Variants in DMD observed in about 807,000 individuals in gnomAD.
DMD encodes dystrophin.
DMD carries 63 observed loss-of-function variants against 330.1 expected under a neutral mutation model. The observed-to-expected ratio is 0.19, with a 90% CI of 0.16 to 0.24. The LOEUF is 0.24. Among genes scored for constraint, DMD ranks in the 10% least tolerant of loss-of-function variants. The pLI, the probability that DMD is intolerant of heterozygous loss-of-function variation, is 1.00. For synonymous variants in DMD, 1,223 were observed against 959.8 expected, an observed-to-expected ratio of 1.27 and a Z score of -5.07; for missense variants, 3,344 against 2,684.1, an observed-to-expected ratio of 1.25 and a Z score of -5.43.
At chrX:32,293,812 T>C (rs1254144507) in intron 42 of DMD, among the ~76,000 whole-genome samples, 1 of 111,990 alleles carries the variant, frequency 8.9e-6, no homozygotes, top group Non-Finnish European at 1.9e-5. Flanking sequence ...CCTGCACATG[T>C]ATTCCTGAAT....
rs773034545 is a variant in DMD at position 32,527,265 on chromosome X, ATAAT to A, written c.2169-9138_2169-9135del. The stretch of plus-strand genomic sequence containing the variant: ...TTTTAACATTAATAGGAACAAAACT[ATAAT>A]TATTCTTTGTTGGTATTAAAGAAGA... On this transcript the variant is annotated intron_variant, in intron 17 of 78. Transcript: ENST00000357033. 8.9e-5 allele frequency among the ~76,000 whole-genome samples: 10 copies of A among 112,440 alleles called. No individual in the cohort carries two copies. The East Asian group carries it at 2.8e-3, about 31-fold the overall frequency.
At chrX:32,592,900 C>A (rs1173760088) in intron 13 of DMD, among the ~76,000 whole-genome samples, 1 of 112,807 alleles carries the variant, frequency 8.9e-6, no homozygotes, top group African/African-American at 3.2e-5. Context: ...ACTTGTGGTA[C>A]ATCTGGTCCA....
intron 50 of DMD, among the ~76,000 whole-genome samples, chrX:31,805,529 A>C (rs1267931803): frequency 1.8e-5 from 2 of 112,139 alleles, no homozygotes; most frequent in East Asian, 5.5e-4. Flanking sequence ...TCTAAGACCT[A>C]GTTATCCCCT....
chrX:31,740,942 A>G (rs1312145705), intron 51 of DMD, among the ~76,000 whole-genome samples: 1 of 112,302 alleles, frequency 8.9e-6, no homozygotes, highest in Non-Finnish European at 1.9e-5. Context: ...CCTGATGCTA[A>G]TTTATCAACT....
At chrX:33,066,461 A>AAAAGGAAGGAAGG (rs754870790) in intron 1 of DMD, among the ~76,000 whole-genome samples, 9 of 84,203 alleles carry the variant, frequency 1.1e-4, no homozygotes, top group African/African-American at 4.8e-4. Context: ...AAAAAAAAAA[A>AAAAGGAAGGAAGG]AAGGAAGGAA....
intron 60 of DMD, among the ~76,000 whole-genome samples, chrX:31,353,919 C>T (rs988030402): frequency 2.5e-4 from 28 of 112,106 alleles, no homozygotes; most frequent in African/African-American, 8.7e-4. Context: ...TCTCTGTTTC[C>T]TTTTATAAAA....
At chrX:32,122,921 A>G (rs184447978) in intron 44 of DMD, among the ~76,000 whole-genome samples, 37 of 109,993 alleles carry the variant, frequency 3.4e-4, no homozygotes, top group Non-Finnish European at 4.7e-4. Flanking sequence ...AAATGTCCTG[A>G]CACTAAGTTT....
At chrX:32,808,798 A>G (rs1452545078) in intron 7 of DMD, among the ~76,000 whole-genome samples, 1 of 112,087 alleles carries the variant, frequency 8.9e-6, no homozygotes, top group Admixed American at 9.5e-5. Flanking sequence ...AGAGGCTACC[A>G]TTTCAAAATT....
At chrX:33,302,087 T>G (rs1486546360) in intron 1 of DMD, among the ~76,000 whole-genome samples, 1 of 112,049 alleles carries the variant, frequency 8.9e-6, no homozygotes, top group Non-Finnish European at 1.9e-5. Flanking sequence ...CTAAATATTC[T>G]TGAAAACATA....
intron 55 of DMD, among the ~76,000 whole-genome samples, chrX:31,529,491 T>C (rs1049715385): frequency 8.9e-6 from 1 of 112,171 alleles, no homozygotes; most frequent in Non-Finnish European, 1.9e-5. Context: ...GATGAACCTA[T>C]AGCAGTCAAT....
intron 55 of DMD, among the ~76,000 whole-genome samples, chrX:31,527,387 A>G (rs114248567): frequency 0.055 from 6,108 of 111,757 alleles, 393 homozygotes; most frequent in African/African-American, 0.18. Flanking sequence ...CTGATTATGA[A>G]TTAGGATATA....
intron 44 of DMD, among the ~76,000 whole-genome samples, chrX:32,069,415 A>C (rs1290175486): frequency 8.9e-6 from 1 of 111,975 alleles, no homozygotes; most frequent in Non-Finnish European, 1.9e-5. Context: ...CATATACATA[A>C]TTATGGTAGA....
chrX:32,844,725 C>T (rs1196714691), intron 4 of DMD, 58 bp downstream of exon 4: 1 of 1,043,550 alleles, frequency 9.6e-7, no homozygotes, highest in Non-Finnish European at 1.3e-6. Context: ...AAAGCCCTCA[C>T]TCAAACATGA....
At chrX:32,720,318 G>GA (rs1267635585) in intron 7 of DMD, among the ~76,000 whole-genome samples, 2 of 111,382 alleles carry the variant, frequency 1.8e-5, no homozygotes, top group East Asian at 2.8e-4. Context: ...AAATGCCTGT[G>GA]AAAAAATTGA....
intron 44 of DMD, among the ~76,000 whole-genome samples, chrX:32,029,631 G>C: frequency 9.0e-6 from 1 of 111,670 alleles, no homozygotes; most frequent in Non-Finnish European, 1.9e-5. Context: ...ACACAAAATG[G>C]ATTCTCTTAT....
intron 30 of DMD, among the ~76,000 whole-genome samples, chrX:32,394,930 A>AAAAAAAAAAAAAAAAAAAAAAT (rs2098033096): frequency 1.1e-5 from 1 of 89,383 alleles, no homozygotes; most frequent in Non-Finnish European, 2.2e-5. Flanking sequence ...AAAAAAAAAA[A>AAAAAAAAAAAAAAAAAAAAAAT]AAAGAAAAGA....
intron 13 of DMD, 116 bp from the exon 14 acceptor site, chrX:32,573,962 G>A: frequency 1.8e-6 from 1 of 568,109 alleles, no homozygotes; most frequent in South Asian, 2.5e-5. Context: ...CTAGAAGTTG[G>A]AAGGGACACT....
chrX:32,004,942 T>A (rs1293916), intron 44 of DMD, among the ~76,000 whole-genome samples: 3 of 109,670 alleles, frequency 2.7e-5, no homozygotes, highest in Non-Finnish European at 5.7e-5. Flanking sequence ...TTCTTGATGA[T>A]CTCTCATGCC....
chrX:33,210,960 T>C (rs191587452), intron 1 of DMD, among the ~76,000 whole-genome samples: 1 of 111,519 alleles, frequency 9.0e-6, no homozygotes, highest in Admixed American at 9.6e-5. Flanking sequence ...ATATACAAAC[T>C]ATCTCACAGC....
Sources: allele counts gnomAD v4.1 joint callset (sites outside exome capture counted in the v4.1 genomes callset), GRCh38; gene constraint gnomAD v4.1.1; transcripts MANE v1.5; gene names NCBI Gene and HGNC (gene_info 2026-07-23, HGNC 2026-07-21).